RYR2: variants seen among roughly 807,000 people sequenced by gnomAD.
RYR2 encodes ryanodine receptor 2.
RYR2 carries 227 observed loss-of-function variants against 601.1 expected under a neutral mutation model. The observed-to-expected ratio is 0.38, with a 90% CI of 0.34 to 0.42. RYR2 has a LOEUF of 0.42. Among genes scored for constraint, RYR2 ranks in the 10% least tolerant of loss-of-function variants. The probability of loss-of-function intolerance (pLI) is 1.00; values close to 1 mark genes in which losing one functional copy is unlikely to be tolerated. For missense variants in RYR2, 4,646 were observed against 6,156.5 expected (o/e 0.75, Z 8.21); for synonymous variants, 2,223 against 2,175.1 (o/e 1.02, Z -0.61).
chr1:237,711,654 T>A, intron 70 of RYR2, 91 bp from the exon 71 acceptor site: 1 of 684,408 alleles, frequency 1.5e-6, no homozygotes, highest in Non-Finnish European at 2.6e-6. Flanking sequence ...TTAATACTTA[T>A]CTCTGTAAAA....
At chr1:237,284,611 C>CA (rs1441273716) in intron 2 of RYR2, among the ~76,000 whole-genome samples, 1 of 122,080 alleles carries the variant, frequency 8.2e-6, no homozygotes, top group Non-Finnish European at 1.7e-5. Flanking sequence ...CACACATACA[C>CA]ACCACAGTAT....
chr1:237,755,311 C>G (rs1692859743), intron 80 of RYR2, among the ~76,000 whole-genome samples: 1 of 152,150 alleles, frequency 6.6e-6, no homozygotes, highest in African/African-American at 2.4e-5. Flanking sequence ...AAGTTTATGG[C>G]AGCAAAGCTG....
At chr1:237,165,603 C>G (rs1005583733) in intron 1 of RYR2, among the ~76,000 whole-genome samples, 1 of 152,086 alleles carries the variant, frequency 6.6e-6, no homozygotes, top group Non-Finnish European at 1.5e-5. Flanking sequence ...GTGGCTCACA[C>G]CTGTTATCCC....
chr1:237,650,151 A>C (rs1406193672), intron 50 of RYR2, 54 bp downstream of exon 50: 1 of 1,486,180 alleles, frequency 6.7e-7, no homozygotes, highest in East Asian at 2.3e-5. Context: ...CAGAATTTAC[A>C]ATGTGGCCTT....
chr1:237,174,206 G>C (rs1448473745), intron 1 of RYR2, among the ~76,000 whole-genome samples: 1 of 152,162 alleles, frequency 6.6e-6, no homozygotes, highest in African/African-American at 2.4e-5. Context: ...TTAAACAGAA[G>C]GTGTATAGTG....
intron 54 of RYR2, among the ~76,000 whole-genome samples, chr1:237,659,148 G>A (rs1299419127): frequency 6.6e-6 from 1 of 152,208 alleles, no homozygotes; most frequent in Non-Finnish European, 1.5e-5. Context: ...CATCATGCTG[G>A]AGATGTCATG....
At chr1:237,639,593 G>A (rs1270172373) in intron 46 of RYR2, among the ~76,000 whole-genome samples, 1 of 152,172 alleles carries the variant, frequency 6.6e-6, no homozygotes, top group Non-Finnish European at 1.5e-5. Context: ...GCAAATGAAA[G>A]GGGGACTTGA....
chr1:237,753,936 T>TA (rs1692737170), intron 80 of RYR2, among the ~76,000 whole-genome samples: 1 of 151,696 alleles, frequency 6.6e-6, no homozygotes, highest in African/African-American at 2.4e-5. Context: ...TTTTTTTTTT[T>TA]TAATTTATAA....
At chr1:237,151,105 G>C (rs1029459861) in intron 1 of RYR2, among the ~76,000 whole-genome samples, 1 of 152,148 alleles carries the variant, frequency 6.6e-6, no homozygotes, top group Non-Finnish European at 1.5e-5. Context: ...TCATGGTGCT[G>C]TTAGGAAAAT....
At chr1:237,441,171 G>A in intron 12 of RYR2, 148 bp from the exon 13 acceptor site, 1 of 668,478 alleles carries the variant, frequency 1.5e-6, no homozygotes. Flanking sequence ...AGGTCGAACT[G>A]TTAGAGTAAA....
chr1:237,098,476 A>T (rs891840465), intron 1 of RYR2, among the ~76,000 whole-genome samples: 7 of 151,892 alleles, frequency 4.6e-5, no homozygotes, highest in Non-Finnish European at 1.0e-4. Context: ...ACAATCCAGT[A>T]TTATTAACAT....
intron 84 of RYR2, among the ~76,000 whole-genome samples, chr1:237,768,788 A>G (rs1288984899): frequency 6.6e-6 from 1 of 152,196 alleles, no homozygotes; most frequent in East Asian, 1.9e-4. Flanking sequence ...GAATGTCTTC[A>G]TTAAGCAACA....
chr1:237,242,320 A>C (rs1686280392), intron 1 of RYR2, among the ~76,000 whole-genome samples: 1 of 151,848 alleles, frequency 6.6e-6, no homozygotes, highest in South Asian at 2.1e-4. Context: ...TACCTTCTTC[A>C]CATTACTAAA....
At chr1:237,280,446 CA>C (rs530122057) in intron 2 of RYR2, among the ~76,000 whole-genome samples, 214 of 152,114 alleles carry the variant, frequency 1.4e-3, no homozygotes, top group African/African-American at 4.8e-3. Context: ...AAATGAGAGG[CA>C]AAAGAAAGAC....
chr1:237,608,276 G>T (rs12116442), intron 35 of RYR2, among the ~76,000 whole-genome samples: 1 of 152,060 alleles, frequency 6.6e-6, no homozygotes, highest in Non-Finnish European at 1.5e-5. Flanking sequence ...GCCAAGCGAG[G>T]ATGGAGTTTT....
chr1:237,303,234 A>G (rs1693534951), intron 2 of RYR2, among the ~76,000 whole-genome samples: 1 of 151,814 alleles, frequency 6.6e-6, no homozygotes, highest in Admixed American at 6.6e-5. Context: ...TTAAAGTTCT[A>G]AAGGGTATAT....
At chr1:237,233,180 C>T (rs993000628) in intron 1 of RYR2, among the ~76,000 whole-genome samples, 4 of 152,174 alleles carry the variant, frequency 2.6e-5, no homozygotes, top group African/African-American at 4.8e-5. Flanking sequence ...AGAGAAAATA[C>T]CCTGAGATAA....
intron 16 of RYR2, among the ~76,000 whole-genome samples, chr1:237,465,723 G>T (rs75735124): frequency 6.6e-6 from 1 of 151,268 alleles, no homozygotes; most frequent in African/African-American, 2.4e-5. Flanking sequence ...TACGCTATAC[G>T]GGATGGCCTA....
At position 237,783,608 on chromosome 1, in the gene RYR2, G is replaced by T; in HGVS notation, c.11963-67G>T. The T allele has an allele frequency of 1.3e-5, 12 of 934,446 alleles. 1 individual carries two copies. The South Asian group carries it at 2.0e-4, about 16-fold the overall frequency. The allele number at this position is 934,446 out of a possible 1,614,324, so 57.9% of individuals were successfully genotyped here. A position where few individuals can be genotyped will look rare whatever the true frequency, so the allele number is the denominator to read the frequency against. The stretch of plus-strand genomic sequence containing the variant: ...TCAGATGTTATTAAAGATCTACATT[G>T]TTATCTTCTGTATGATCACTGATTT... On this transcript the variant is annotated intron_variant, in intron 89 of 104. Transcript: ENST00000366574.
Sources: allele counts gnomAD v4.1 joint callset (sites outside exome capture counted in the v4.1 genomes callset), GRCh38; gene constraint gnomAD v4.1.1; transcripts MANE v1.5; gene names NCBI Gene and HGNC (gene_info 2026-07-23, HGNC 2026-07-21).